ANKRD28: variants seen among roughly 807,000 people sequenced by gnomAD.
The protein encoded by ANKRD28 is ankyrin repeat domain 28.
ANKRD28 carries 44 observed loss-of-function variants against 126.5 expected under a neutral mutation model. That is an observed-to-expected ratio of 0.35 (90% CI 0.27 to 0.45). The LOEUF (loss-of-function observed/expected upper bound fraction) is 0.45. Ranked by LOEUF, ANKRD28 falls within the 20% of genes least tolerant of loss-of-function variation. ANKRD28 has a pLI of 1.00. For missense variants in ANKRD28, 1,110 were observed against 1,316.6 expected (o/e 0.84, Z 2.43); for synonymous variants, 442 against 468.5 (o/e 0.94, Z 0.73).
rs182318036 is a variant in ANKRD28, at chr3:15,793,653, A to C, written c.201+1570T>G. ...ACCAAAATAACAAGAAAACCTTAGG[A>C]GTTAAATGGAAAACATGTTTTCCAC... On this transcript the variant is annotated intron_variant, in intron 2 of 27. Coordinates refer to ENST00000683139, the MANE Select transcript of ANKRD28 (RefSeq NM_001349278.2). Among the ~76,000 whole-genome samples, 306 of 152,326 alleles carry C rather than the reference A, an allele frequency of 2.0e-3. 2 individuals carry two copies. The highest frequency in any genetic ancestry group is 3.6e-3 in the Non-Finnish European group (246 of 68,034).
chr3:15,742,258 C>G (rs2057097512), intron 4 of ANKRD28, among the ~76,000 whole-genome samples: 1 of 151,522 alleles, frequency 6.6e-6, no homozygotes, highest in African/African-American at 2.4e-5. Context: ...TGAGGAGCGT[C>G]TCTGCCCGGC....
chr3:15,794,593 A>G (rs2060194596), intron 2 of ANKRD28, among the ~76,000 whole-genome samples: 1 of 151,888 alleles, frequency 6.6e-6, no homozygotes, highest in Non-Finnish European at 1.5e-5. Context: ...AAAACATAAC[A>G]GAGAGAGAAA....
At chr3:15,850,182 A>G (rs954116664) in intron 1 of ANKRD28, among the ~76,000 whole-genome samples, 3 of 111,082 alleles carry the variant, frequency 2.7e-5, no homozygotes, top group Non-Finnish European at 3.7e-5. Flanking sequence ...CTGGGTATCT[A>G]CATGCAATAA....
rs1217783360 is a variant in ANKRD28 at position 15,804,118 on chromosome 3, A to G, written c.28-8812T>C. ...TTAGACATTCATATCTCTACTATAC[A>G]TACCATGCCAAGGAATTATAAGGTA... is the stretch of plus-strand genomic sequence containing the variant. On this transcript the variant is annotated intron_variant, in intron 1 of 27. Transcript: ENST00000399451. Among the ~76,000 whole-genome samples the G allele has an allele frequency of 4.1e-5, 6 of 145,532 alleles. 1 individual carries two copies. Among genetic ancestry groups the G allele is most frequent in the African/African-American group, 1.5e-4 (6 of 39,016 alleles).
At chr3:15,742,630 G>GC (rs2057150258) in intron 4 of ANKRD28, among the ~76,000 whole-genome samples, 1 of 82,140 alleles carries the variant, frequency 1.2e-5, no homozygotes. Context: ...TGCCAGGCCA[G>GC]CCGCCCCGTC....
chr3:15,792,895 G>A (rs2060101535), intron 2 of ANKRD28, among the ~76,000 whole-genome samples: 1 of 151,970 alleles, frequency 6.6e-6, no homozygotes, highest in Admixed American at 6.6e-5. Flanking sequence ...AATCTATTAG[G>A]TGTGTTACTA....
At chr3:15,695,251 G>C in intron 15 of ANKRD28, 37 bp from the exon 16 acceptor site, 9 of 1,468,820 alleles carry the variant, frequency 6.1e-6, no homozygotes, top group Non-Finnish European at 8.4e-6. Context: ...TTTAGCTTGG[G>C]AAGTATTCAT....
At chr3:15,773,369 A>T (rs2125621673) in intron 2 of ANKRD28, among the ~76,000 whole-genome samples, 1 of 152,352 alleles carries the variant, frequency 6.6e-6, no homozygotes, top group African/African-American at 2.4e-5. Context: ...TCACTCCTGT[A>T]AACCCAGTAC....
intron 2 of ANKRD28, among the ~76,000 whole-genome samples, chr3:15,782,627 A>G (rs2059589177): frequency 1.3e-5 from 2 of 152,116 alleles, no homozygotes; most frequent in Non-Finnish European, 2.9e-5. Context: ...TGTTCAGGGA[A>G]AAATGCCATA....
intron 15 of ANKRD28, 108 bp from the exon 16 acceptor site, chr3:15,695,322 T>G (rs961893114): frequency 3.9e-6 from 3 of 775,800 alleles, no homozygotes; most frequent in Non-Finnish European, 6.3e-6. Context: ...CCGTGCTTCC[T>G]TTGGCTCCAA....
In ANKRD28 at chr3:15,834,301, A is replaced by T. The variant is rs142624252; in HGVS notation, c.27+25076T>A. On this transcript the variant is annotated intron_variant, in intron 1 of 27. Coordinates refer to the ANKRD28 transcript ENST00000399451. ...ATAGCTATCCAATTTTCCCAGACCC[A>T]TTTACTGAATCGAGTGTCCTTTCCC... Among the ~76,000 whole-genome samples the T allele has an allele frequency of 2.2e-3, 329 of 152,172 alleles. 2 individuals are homozygous for T. The highest frequency in any genetic ancestry group is 7.4e-3 in the African/African-American group (308 of 41,518).
At chr3:15,842,051 A>G (rs2061434015) in intron 1 of ANKRD28, among the ~76,000 whole-genome samples, 1 of 148,038 alleles carries the variant, frequency 6.8e-6, no homozygotes, top group Admixed American at 6.8e-5. Context: ...TATATAACAT[A>G]ATTTATATAT....
chr3:15,690,438 A>G (rs910504976), intron 17 of ANKRD28, among the ~76,000 whole-genome samples: 16 of 152,240 alleles, frequency 1.1e-4, no homozygotes, highest in Non-Finnish European at 1.6e-4. Context: ...TAAAAATAAT[A>G]CAAGTTCAAA....
At chr3:15,735,329 T>C in intron 6 of ANKRD28, 81 bp downstream of exon 6, 2 of 1,166,734 alleles carry the variant, frequency 1.7e-6, no homozygotes, top group South Asian at 1.5e-5. Flanking sequence ...TAAAGACAAA[T>C]GCTATACAAA....
At chr3:15,779,640 T>C (rs764685173) in intron 2 of ANKRD28, among the ~76,000 whole-genome samples, 10 of 152,106 alleles carry the variant, frequency 6.6e-5, no homozygotes, top group Admixed American at 1.3e-4. Context: ...TGTAACGGAG[T>C]TGATTTAACT....
chr3:15,803,531 C>T (rs986276675), intron 1 of ANKRD28, among the ~76,000 whole-genome samples: 5 of 151,218 alleles, frequency 3.3e-5, no homozygotes, highest in African/African-American at 9.7e-5. Flanking sequence ...GCAGGAGAAT[C>T]GCTTGAACCT....
chr3:15,761,366 T>C (rs1297476430), intron 3 of ANKRD28, among the ~76,000 whole-genome samples: 4 of 151,842 alleles, frequency 2.6e-5, no homozygotes, highest in Non-Finnish European at 2.9e-5. Context: ...CTTCATGTAT[T>C]TTTTTCTCAT....
rs143967220 is a variant in ANKRD28, at chr3:15,676,998, T to C, written c.2849A>G (p.Asn950Ser). ...CGTTTGCAAGGCTGCGTTGGTTGCA[T>C]TGATGAGGTTTCTATCTGTTATCTT... ...LEKITDRNLI[N>S]ATNAALQTPL... The change falls in exon 26 of 28, where the codon AAT becomes AGT. Residue 950 changes from asparagine to serine, a missense_variant. Physicochemically the swap from Asn to Ser is conservative, Grantham distance 46. Coordinates refer to ENST00000683139, the MANE Select transcript of ANKRD28 (RefSeq NM_001349278.2). 5.1e-5 allele frequency: 82 copies of C among 1,613,398 alleles called. No homozygotes were observed. In the Admixed American group the frequency reaches 8.8e-4, roughly 17 times the overall value.
At position 15,676,185 on chromosome 3, in the gene ANKRD28, C is replaced by CGT. The variant is rs897892211; in HGVS notation, c.2874-198_2874-197dup. 7 of 412,762 alleles carry CGT rather than the reference C, an allele frequency of 1.7e-5. No individual in the cohort carries two copies. The Admixed American group carries it at 2.1e-4, about 12-fold the overall frequency. 25.6% of individuals were successfully genotyped at this position (412,762 alleles called of 1,614,324 possible). A position where few individuals can be genotyped will look rare whatever the true frequency, so the allele number is the denominator to read the frequency against. On this transcript the variant is annotated intron_variant, in intron 26 of 27. Coordinates refer to ENST00000683139, the MANE Select transcript of ANKRD28 (RefSeq NM_001349278.2). ...GCAGTGCACTGTCACACCTTGTCAACGTGTAGCTCGGCATCAAGCTCAGCC... is the reference window on the plus strand; with the variant it reads ...GCAGTGCACTGTCACACCTTGTCAACGTGTGTAGCTCGGCATCAAGCTCAGCC...
Sources: gnomAD v4.1 joint callset for allele counts (sites outside exome capture counted in the v4.1 genomes callset) on GRCh38, gnomAD v4.1.1 for gene constraint, MANE v1.5 for transcripts, NCBI Gene and HGNC (gene_info 2026-07-23, HGNC 2026-07-21) for gene names.